The following EPG5 variants were observed in gnomAD, a reference collection of about 807,000 sequenced individuals.
The protein encoded by EPG5 is ectopic P-granules 5 autophagy tethering factor.
In EPG5, 159 loss-of-function variants were observed where a neutral mutation model predicts 302.7. The observed-to-expected ratio is 0.53, with a 90% CI of 0.46 to 0.60. The LOEUF (loss-of-function observed/expected upper bound fraction) is 0.60, where lower values mean the gene tolerates loss of function less well. Among genes scored for constraint, EPG5 ranks in the 20% least tolerant of loss-of-function variants. The pLI is 0.00. For missense variants in EPG5, 2,896 were observed against 3,092.4 expected, an observed-to-expected ratio of 0.94 and a Z score of 1.51; for synonymous variants, 1,158 against 1,136.8, an observed-to-expected ratio of 1.02 and a Z score of -0.37.
chr18:45,943,076 A>G (rs1599625311), intron 9 of EPG5, 85 bp downstream of exon 9: 1 of 1,351,358 alleles, frequency 7.4e-7, no homozygotes, highest in East Asian at 2.3e-5. Flanking sequence ...GTTTACAACT[A>G]AAACGTCCAT....
At chr18:45,814,941 C>T in the EPG5 span, among the ~76,000 whole-genome samples, 1 of 152,228 alleles carries the variant, frequency 6.6e-6, no homozygotes, top group African/African-American at 2.4e-5. Flanking sequence ...GGTGGGCTTA[C>T]ATCAGAGGAC....
intron 6 of EPG5, among the ~76,000 whole-genome samples, chr18:45,947,317 G>A (rs1275665378): frequency 2.0e-5 from 3 of 152,102 alleles, no homozygotes; most frequent in East Asian, 1.9e-4. Context: ...GGAGGCCGAG[G>A]CAGGAGAATC....
Position 45,946,679 on chromosome 18 carries a change from T to A in EPG5, c.1661A>T (p.Asp554Val), listed in dbSNP as rs2050789396. The change falls in exon 7 of 44, where the codon GAC becomes GTC. Residue 554 changes from aspartate to valine, a missense_variant. Asp to Val is a radical substitution (Grantham distance 152). This residue lies in a region of EPG5 where 1,390 missense variants were observed against 1,430.0 expected (regional missense o/e 0.97). Transcript: ENST00000282041. ...GPGSGTWTLVDEGGEEDEDPE... is the reference protein window; with the variant it reads ...GPGSGTWTLVVEGGEEDEDPE... ...ACAAGTTACCTCTTCTCCTCCTTCGTCTACTAGCGTCCAAGTCCCAGACCC... is the reference window on the plus strand; with the variant it reads ...ACAAGTTACCTCTTCTCCTCCTTCGACTACTAGCGTCCAAGTCCCAGACCC... 6.2e-7 allele frequency: 1 copy of A among 1,613,786 alleles called. No homozygotes were observed. Among genetic ancestry groups the A allele is most frequent in the Non-Finnish European group, 8.5e-7 (1 of 1,179,850 alleles).
intron 29 of EPG5, among the ~76,000 whole-genome samples, chr18:45,885,796 A>G (rs546358859): frequency 6.6e-6 from 1 of 152,310 alleles, no homozygotes; most frequent in Admixed American, 6.5e-5. Flanking sequence ...TTTTTTTAAC[A>G]CATTCCAGAT....
intron 28 of EPG5, 34 bp from the exon 29 acceptor site, chr18:45,887,941 A>G: frequency 6.8e-7 from 1 of 1,463,522 alleles, no homozygotes; most frequent in South Asian, 1.4e-5. Context: ...TGCAGTCTAC[A>G]GTAAAAGATT....
chr18:45,837,470 G>T, the EPG5 span: 1 of 1,431,712 alleles, frequency 7.0e-7, no homozygotes, highest in Non-Finnish European at 9.1e-7. Context: ...CGGGCGCCTC[G>T]ACCCCAGGGC....
chr18:45,859,984 A>G (rs2048598226), intron 40 of EPG5, 120 bp downstream of exon 40: 1 of 1,284,276 alleles, frequency 7.8e-7, no homozygotes, highest in Admixed American at 2.2e-5. Flanking sequence ...TTTGTAGAGC[A>G]GAAAATTAGA....
At chr18:45,868,215 G>A in intron 36 of EPG5, 2 of 454,436 alleles carry the variant, frequency 4.4e-6, no homozygotes, top group Admixed American at 2.3e-5. Context: ...AATTTTGCAG[G>A]TATGGGTTGG....
At chr18:45,842,105 G>A in the EPG5 span, 2 of 1,614,134 alleles carry the variant, frequency 1.2e-6, no homozygotes, top group African/African-American at 1.3e-5. Flanking sequence ...CCTGTCCACA[G>A]GTCCCAGGCC....
chr18:45,906,369 C>T (rs968202150), intron 24 of EPG5, among the ~76,000 whole-genome samples: 7 of 152,150 alleles, frequency 4.6e-5, no homozygotes, highest in Admixed American at 3.9e-4. Context: ...TTCATTCCTA[C>T]TCATCTCTCT....
At chr18:45,853,151 G>C (rs759335667) in intron 43 of EPG5, among the ~76,000 whole-genome samples, 23 of 152,208 alleles carry the variant, frequency 1.5e-4, no homozygotes, top group Non-Finnish European at 2.8e-4. Context: ...CCTAGGTTAT[G>C]AGATAATGTT....
At chr18:45,860,379 T>C (rs746832029) in intron 39 of EPG5, 33 bp from the exon 40 acceptor site, 1 of 1,613,828 alleles carries the variant, frequency 6.2e-7, no homozygotes, top group Non-Finnish European at 8.5e-7. Context: ...CAAGAATGGC[T>C]GCCAGAAAGG....
At chr18:45,807,765 C>T in the EPG5 span, among the ~76,000 whole-genome samples, 170 of 152,290 alleles carry the variant, frequency 1.1e-3, no homozygotes, top group African/African-American at 4.0e-3. Flanking sequence ...TCTGACAGAA[C>T]CTACCCAAAT....
At chr18:45,832,319 A>C in the EPG5 span, among the ~76,000 whole-genome samples, 3 of 151,564 alleles carry the variant, frequency 2.0e-5, no homozygotes, top group Admixed American at 6.6e-5. Flanking sequence ...TGCCAGGCAC[A>C]GATTGGGTGC....
chr18:45,915,971 C>G, intron 19 of EPG5, 38 bp downstream of exon 19: 5 of 1,538,732 alleles, frequency 3.2e-6, no homozygotes, highest in Non-Finnish European at 4.4e-6. Context: ...TTTATCTAGC[C>G]AATCACTGAA....
At chr18:45,935,844 T>G (rs2050511319) in intron 10 of EPG5, among the ~76,000 whole-genome samples, 1 of 152,142 alleles carries the variant, frequency 6.6e-6, no homozygotes, top group Admixed American at 6.5e-5. Context: ...GCCCTCTCTG[T>G]CCTCCTTCAG....
At chr18:45,898,673 C>T (rs1414848974) in intron 27 of EPG5, among the ~76,000 whole-genome samples, 3 of 152,158 alleles carry the variant, frequency 2.0e-5, no homozygotes, top group Admixed American at 2.0e-4. Flanking sequence ...CAGCAGACAG[C>T]CAGAGTTCCC....
chr18:45,951,074 A>G (rs376960758), intron 4 of EPG5, 28 bp downstream of exon 4: 44 of 1,467,030 alleles, frequency 3.0e-5, no homozygotes, highest in Non-Finnish European at 1.8e-5. Context: ...TAAAACAAAG[A>G]CTACTGTGTC....
At chr18:45,899,872 A>G (rs762671350) in intron 26 of EPG5, among the ~76,000 whole-genome samples, 1 of 152,248 alleles carries the variant, frequency 6.6e-6, no homozygotes, top group Admixed American at 6.5e-5. Context: ...TGAGAATTCT[A>G]TCCTAACTTC....
Sources: gnomAD v4.1 joint callset for allele counts (sites outside exome capture counted in the v4.1 genomes callset) on GRCh38, gnomAD v4.1.1 for gene constraint, gnomAD v4.1.1 regional missense constraint, MANE v1.5 for transcripts, NCBI Gene and HGNC (gene_info 2026-07-23, HGNC 2026-07-21) for gene names.